The following TOP3A variants were observed in gnomAD, a reference collection of about 807,000 sequenced individuals.
TOP3A encodes DNA topoisomerase III alpha.
TOP3A carries 64 observed loss-of-function variants against 111.3 expected under a neutral mutation model. That is an observed-to-expected ratio of 0.57 (90% confidence interval 0.47 to 0.71). The LOEUF is 0.71. Ranked by LOEUF, TOP3A falls within the 30% of genes least tolerant of loss-of-function variation. The probability of loss-of-function intolerance (pLI) is 0.00; values close to 1 mark genes in which losing one functional copy is unlikely to be tolerated. For synonymous variants in TOP3A, 484 were observed against 485.1 expected (o/e 1.00, Z 0.03); for missense variants, 1,104 against 1,285.0 (o/e 0.86, Z 2.15).
rs2142977764 is a variant in TOP3A, at chr17:18,298,322, G to A, written c.990+1237C>T. ...CTCTGCCCAGCAGCCACCTCGTCCG[G>A]CAGGGAGGTGGGAGGGTCAGCCCCC... On this transcript the variant is annotated intron_variant, in intron 9 of 18. Transcript: ENST00000321105. Among the ~76,000 whole-genome samples, 4 of 150,414 alleles carry A rather than the reference G, an allele frequency of 2.7e-5. No homozygotes were observed. The Middle Eastern group carries it at 0.01, about 386-fold the overall frequency.
rs190041951 is a variant in TOP3A, at chr17:18,311,633, C to T, written c.181-2692G>A. ...TATTGAAAGTTTCCTGCATTCCAGA[C>T]ACCATATTAGGCGTTAGGACATAGC... On this transcript the variant is annotated intron_variant, in intron 1 of 18. Coordinates refer to ENST00000321105, the MANE Select transcript of TOP3A (RefSeq NM_004618.5). 1.1e-3 allele frequency among the ~76,000 whole-genome samples: 160 copies of T among 152,322 alleles called. 1 individual carries two copies. The highest frequency in any genetic ancestry group is 3.6e-3 in the African/African-American group (151 of 41,574).
In TOP3A at chr17:18,278,335, C is replaced by T. The variant is rs201428468; in HGVS notation, c.2167G>A (p.Gly723Ser). The change falls in exon 18 of 19, where the codon GGT becomes AGT. Residue 723 changes from glycine (G) to serine (S), a missense_variant. Coordinates refer to ENST00000321105, the MANE Select transcript of TOP3A (RefSeq NM_004618.5). ...AGAGGCATGGTCGGGGGAAGGCTAC[C>T]GCGCTTAAACTTTAACTTTAACCTA... ...VYRLKLKFKR[G>S]SLPPTMPLEF... The T allele has an allele frequency of 6.6e-6, 10 of 1,513,306 alleles. No individual in the cohort carries two copies. The highest frequency in any genetic ancestry group is 1.3e-5 in the South Asian group (1 of 74,762). 93.7% of individuals were successfully genotyped at this position (1,513,306 alleles called of 1,614,324 possible). A position where few individuals can be genotyped will look rare whatever the true frequency, so the allele number is the denominator to read the frequency against.
chr17:18,305,306 AGG>A, intron 4 of TOP3A, 86 bp from the exon 5 acceptor site: 1 of 1,095,836 alleles, frequency 9.1e-7, no homozygotes, highest in East Asian at 2.4e-5. Flanking sequence ...ATCTGACTGA[AGG>A]TTAATGCTGC....
chr17:18,313,901 C>G (rs1405144517), intron 1 of TOP3A, among the ~76,000 whole-genome samples: 2 of 152,192 alleles, frequency 1.3e-5, no homozygotes, highest in Admixed American at 1.3e-4. Flanking sequence ...CTTTTGTTAT[C>G]TGAGATATTT....
intron 18 of TOP3A, among the ~76,000 whole-genome samples, chr17:18,275,344 CT>C (rs71155327): frequency 7.9e-3 from 608 of 77,150 alleles, no homozygotes; most frequent in East Asian, 0.037. Flanking sequence ...GCTGAACCAA[CT>C]TTTTTTTTTT....
intron 17 of TOP3A, 135 bp downstream of exon 17, chr17:18,280,401 C>T: frequency 1.0e-6 from 1 of 992,850 alleles, no homozygotes; most frequent in Non-Finnish European, 1.5e-6. Flanking sequence ...GCTGAACTGG[C>T]TGCTGCAGAA....
At chr17:18,292,459 C>T (rs985384990) in intron 11 of TOP3A, among the ~76,000 whole-genome samples, 186 bp downstream of exon 11, 2 of 152,100 alleles carry the variant, frequency 1.3e-5, no homozygotes, top group Non-Finnish European at 1.5e-5. Context: ...TGGATTAAGA[C>T]GGGGGCCCAC....
chr17:18,284,430 A>C (rs975652344), intron 15 of TOP3A, among the ~76,000 whole-genome samples: 1 of 152,088 alleles, frequency 6.6e-6, no homozygotes, highest in Non-Finnish European at 1.5e-5. Flanking sequence ...GTGGGACTCA[A>C]AGTCCCAACC....
Position 18,274,533 on chromosome 17 carries a change from G to T in TOP3A, c.*269C>A, listed in dbSNP as rs1597949291. ...TCCTCTGCTAACAGCAACCATCCTT[G>T]GGGGGTCCGAGGGAGCAGCTGCGTG... is the stretch of plus-strand genomic sequence containing the variant. On this transcript the variant is annotated 3_prime_UTR_variant, in exon 19 of 19. Coordinates refer to ENST00000321105, the MANE Select transcript of TOP3A (RefSeq NM_004618.5). 3.0e-6 allele frequency: 1 copy of T among 334,524 alleles called. No individual in the cohort carries two copies. Among genetic ancestry groups the T allele is most frequent in the Non-Finnish European group, 5.4e-6 (1 of 185,758 alleles). The allele number at this position is 334,524 out of a possible 1,614,324, so 20.7% of individuals were successfully genotyped here. A position where few individuals can be genotyped will look rare whatever the true frequency, so the allele number is the denominator to read the frequency against.
At position 18,273,539 on chromosome 17, in the gene TOP3A, T is replaced by G. The variant is rs911488711; in HGVS notation, c.*1263A>C. On this transcript the variant is annotated 3_prime_UTR_variant, in exon 19 of 19. Coordinates refer to ENST00000321105, the MANE Select transcript of TOP3A (RefSeq NM_004618.5). ...GACGAGACCTCCCAGGGTGAGCTCC[T>G]TCCAGCACTGGCTGGTACCTGTTGC... Among the ~76,000 whole-genome samples, 4 of 152,180 alleles carry G rather than the reference T, an allele frequency of 2.6e-5. No individual in the cohort carries two copies. The highest frequency in any genetic ancestry group is 5.9e-5 in the Non-Finnish European group (4 of 68,030).
chr17:18,299,921 C>T (rs977112668), intron 8 of TOP3A, among the ~76,000 whole-genome samples: 3 of 151,968 alleles, frequency 2.0e-5, no homozygotes, highest in Non-Finnish European at 4.4e-5. Flanking sequence ...CACCTGAGTA[C>T]AGTTTTCTAT....
At chr17:18,280,421 G>A (rs1979683085) in intron 17 of TOP3A, 115 bp downstream of exon 17, 2 of 1,224,756 alleles carry the variant, frequency 1.6e-6, no homozygotes, top group South Asian at 1.5e-5. Context: ...ACACAGCTAC[G>A]CCCCTGCAGG....
At chr17:18,291,349 C>G (rs1432541985) in intron 11 of TOP3A, among the ~76,000 whole-genome samples, 1 of 152,242 alleles carries the variant, frequency 6.6e-6, no homozygotes, top group Non-Finnish European at 1.5e-5. Flanking sequence ...TCCTCAAATA[C>G]AAGAGACAGC....
At chr17:18,285,382 C>A (rs752652187) in intron 14 of TOP3A, 25 bp downstream of exon 14, 1 of 1,613,660 alleles carries the variant, frequency 6.2e-7, no homozygotes, top group South Asian at 1.1e-5. Context: ...ACCCACTACC[C>A]ACTGCAAGCT....
At chr17:18,276,149 T>C (rs1979359846) in intron 18 of TOP3A, among the ~76,000 whole-genome samples, 1 of 152,170 alleles carries the variant, frequency 6.6e-6, no homozygotes. Flanking sequence ...CGGCCCTTTT[T>C]ACAGAGGCAG....
rs1032776180 is a variant in TOP3A at position 18,306,861 on chromosome 17, C to G, written c.390+30G>C. The stretch of plus-strand genomic sequence containing the variant: ...CTCTGTTTGACTCTGTGGTTTGACT[C>G]AGTGCCATATGTCTTCCAAAAGACC... On this transcript the variant is annotated intron_variant, in intron 4 of 18. Coordinates refer to ENST00000321105, the MANE Select transcript of TOP3A (RefSeq NM_004618.5). The G allele has an allele frequency of 4.2e-6, 6 of 1,431,328 alleles. No homozygotes were observed. The African/African-American group carries it at 8.4e-5, about 20-fold the overall frequency. 88.7% of individuals were successfully genotyped at this position (1,431,328 alleles called of 1,614,324 possible). A position where few individuals can be genotyped will look rare whatever the true frequency, so the allele number is the denominator to read the frequency against.
chr17:18,297,262 C>T (rs1242999365), intron 9 of TOP3A, among the ~76,000 whole-genome samples: 1 of 152,190 alleles, frequency 6.6e-6, no homozygotes, highest in East Asian at 1.9e-4. Flanking sequence ...CCTGTCTCTA[C>T]TACAAACACA....
intron 9 of TOP3A, among the ~76,000 whole-genome samples, chr17:18,298,335 A>G (rs1388561534): frequency 2.4e-5 from 3 of 127,366 alleles, no homozygotes; most frequent in African/African-American, 6.8e-5. Context: ...GGGAGGTGGG[A>G]GGGTCAGCCC....
chr17:18,292,482 T>G (rs9897239), intron 11 of TOP3A, among the ~76,000 whole-genome samples, 163 bp downstream of exon 11: 4,496 of 152,168 alleles, frequency 0.03, 213 homozygotes, highest in African/African-American at 0.096. Context: ...CGGGGAGGGA[T>G]GAGGCGGTCT....
Sources: gnomAD v4.1 joint callset for allele counts (sites outside exome capture counted in the v4.1 genomes callset) on GRCh38, gnomAD v4.1.1 for gene constraint, MANE v1.5 for transcripts, NCBI Gene and HGNC (gene_info 2026-07-23, HGNC 2026-07-21) for gene names.